Variants in AKAP9 observed in about 807,000 individuals in gnomAD.
AKAP9 encodes the protein A-kinase anchoring protein 9, also known as A-kinase anchor protein 9.
AKAP9 carries 311 observed loss-of-function variants against 488.5 expected under a neutral mutation model. The observed-to-expected ratio is 0.64, with a 90% confidence interval of 0.58 to 0.70. The LOEUF is 0.70. Ranked by LOEUF, AKAP9 falls within the 30% of genes least tolerant of loss-of-function variation. The probability of loss-of-function intolerance (pLI) is 0.00; values close to 1 mark genes in which losing one functional copy is unlikely to be tolerated. For missense variants in AKAP9, 4,215 were observed against 4,374.5 expected (o/e 0.96, Z 1.03); for synonymous variants, 1,462 against 1,483.5 (o/e 0.99, Z 0.33).
intron 16 of AKAP9, among the ~76,000 whole-genome samples, chr7:92,031,909 AAAAG>A (rs1180790115): frequency 2.0e-5 from 3 of 152,220 alleles, no homozygotes; most frequent in African/African-American, 7.2e-5. Flanking sequence ...AGAAGATAGG[AAAAG>A]AAAGAGAAAG....
Position 92,024,429 on chromosome 7 carries a change from A to T in AKAP9, c.4148+1420A>T, listed in dbSNP as rs575233250. Among the ~76,000 whole-genome samples, 567 of 131,796 alleles carry T rather than the reference A, an allele frequency of 4.3e-3. 1 individual carries two copies. Among genetic ancestry groups the T allele is most frequent in the Non-Finnish European group, 7.5e-3 (441 of 58,712 alleles). 86.5% of individuals were successfully genotyped at this position (131,796 alleles called of 152,430 possible). ...TCTGCCTAAAAAATATATATATATT[A>T]TGTGTGTGTGTATATATATATATAT... is the stretch of plus-strand genomic sequence containing the variant. On this transcript the variant is annotated intron_variant, in intron 14 of 49. Transcript: ENST00000356239.
intron 40 of AKAP9, 87 bp downstream of exon 40, chr7:92,095,260 C>A: frequency 7.1e-7 from 1 of 1,411,764 alleles, no homozygotes; most frequent in East Asian, 2.4e-5. Context: ...AAATGTCAAC[C>A]TTAGACTTCT....
At chr7:92,065,554 G>A in intron 25 of AKAP9, 91 bp downstream of exon 25, 3 of 919,744 alleles carry the variant, frequency 3.3e-6, no homozygotes, top group Non-Finnish European at 5.0e-6. Context: ...TGAAAAGACT[G>A]TTGAGTTAGT....
Position 92,079,107 on chromosome 7 carries a change from G to T in AKAP9, c.6974G>T (p.Arg2325Met). Reference protein sequence around the residue: ...KVIEEKNELIRDLETQIECLM... With the variant: ...KVIEEKNELIMDLETQIECLM... ...ATTGAAGAAAAAAATGAACTGATAA[G>T]GGATCTTGAAACCCAAATAGAATGT... The change falls in exon 31 of 50, where the codon AGG (arginine) becomes ATG (methionine). Residue 2325 changes from arginine to methionine, a missense_variant. This residue lies in a region of AKAP9 where 1,476 missense variants were observed against 1,477.4 expected (regional missense o/e 1.00). Transcript: ENST00000356239. 1 of 1,611,482 alleles carries T rather than the reference G, an allele frequency of 6.2e-7. No individual in the cohort carries two copies. The highest frequency in any genetic ancestry group is 1.1e-5 in the South Asian group (1 of 90,390).
At chr7:92,044,978 A>C in intron 20 of AKAP9, 30 bp from the exon 21 acceptor site, 1 of 1,553,666 alleles carries the variant, frequency 6.4e-7, no homozygotes, top group African/African-American at 1.4e-5. Context: ...AATATTAAAC[A>C]TTTTAATCAG....
At chr7:92,034,089 A>G (rs568604649) in intron 16 of AKAP9, among the ~76,000 whole-genome samples, 4 of 152,228 alleles carry the variant, frequency 2.6e-5, no homozygotes, top group Non-Finnish European at 5.9e-5. Flanking sequence ...ATGAAGTGAC[A>G]TTAGAGGAAA....
chr7:91,988,297 CAAAAAAAAAAAA>C lies in AKAP9; in HGVS notation c.352-3844_352-3833del, dbSNP rs5885797. On this transcript the variant is annotated intron_variant, in intron 3 of 49. Transcript: ENST00000356239. ...TTGGTGACAGAGCAAGACCCCCTCTCAAAAAAAAAAAAAAAAAAAAAAAAAAAAGCTAGGTGA... is the reference window on the plus strand; with the variant it reads ...TTGGTGACAGAGCAAGACCCCCTCTCAAAAAAAAAAAAAAAAGCTAGGTGA... Among the ~76,000 whole-genome samples the C allele has an allele frequency of 5.2e-3, 277 of 53,680 alleles. 2 individuals carry two copies. Among genetic ancestry groups the C allele is most frequent in the African/African-American group, 0.017 (244 of 14,194 alleles). The allele number at this position is 53,680 out of a possible 152,430, so 35.2% of individuals were successfully genotyped here. A position where few individuals can be genotyped will look rare whatever the true frequency, so the allele number is the denominator to read the frequency against.
intron 21 of AKAP9, among the ~76,000 whole-genome samples, chr7:92,049,492 T>A (rs892816266): frequency 2.6e-5 from 4 of 152,008 alleles, no homozygotes; most frequent in Non-Finnish European, 4.4e-5. Flanking sequence ...GCGCCTGTAG[T>A]CCCAGCTACT....
intron 37 of AKAP9, among the ~76,000 whole-genome samples, chr7:92,088,521 C>G (rs1180459586): frequency 6.6e-6 from 1 of 152,116 alleles, no homozygotes; most frequent in African/African-American, 2.4e-5. Flanking sequence ...TAAAAAGAAA[C>G]AAACTATTTA....
At position 91,945,721 on chromosome 7, in the gene AKAP9, C is replaced by T. The variant is rs962978082; in HGVS notation, c.48+4574C>T. Among the ~76,000 whole-genome samples the T allele has an allele frequency of 5.9e-5, 9 of 152,218 alleles. No homozygotes were observed. The East Asian group carries it at 1.5e-3, about 26-fold the overall frequency. ...AATATTTTCAGAGCTGGGCTAGCTC[C>T]CTCTGCAGTGTTTTGACGAGGATGG... On this transcript the variant is annotated intron_variant, in intron 1 of 49. Transcript: ENST00000356239.
At chr7:92,094,425 T>C (rs903205741) in intron 39 of AKAP9, among the ~76,000 whole-genome samples, 2 of 151,402 alleles carry the variant, frequency 1.3e-5, no homozygotes, top group Admixed American at 1.3e-4. Flanking sequence ...CCCAGCTACA[T>C]GGGAGGGTGA....
Position 92,097,088 on chromosome 7 carries a change from C to T in AKAP9, c.10129C>T (p.Arg3377Ter). ...ATATAAACTGGATTCTTTGCAAACA[C>T]GACAGCAAATGGAAAAAGATAGGCA... ...EKYKLDSLQTRQQMEKDRQVH... is the reference protein window; with the variant it reads ...EKYKLDSLQT Residue 3377 changes from arginine (R) to a stop codon, truncating the protein, a stop_gained, in exon 41 of 50, where the codon CGA (arginine) becomes TGA (stop). Transcript: ENST00000356239. LOFTEE classifies it high-confidence loss of function. 7 of 1,614,146 alleles carry T rather than the reference C, an allele frequency of 4.3e-6. No homozygotes were observed. Among genetic ancestry groups the T allele is most frequent in the South Asian group, 1.1e-5 (1 of 91,086 alleles).
chr7:92,040,891 T>C lies in AKAP9; in HGVS notation c.4910T>C (p.Leu1637Ser). 1 of 1,610,730 alleles carries C rather than the reference T, an allele frequency of 6.2e-7. No homozygotes were observed. Among genetic ancestry groups the C allele is most frequent in the Non-Finnish European group, 8.5e-7 (1 of 1,178,152 alleles). The change falls in exon 18 of 50, where the codon TTA becomes TCA. Residue 1637 changes from leucine to serine, a missense_variant. Leu to Ser is a moderately radical substitution (Grantham distance 145). Around this residue, in one of 5 missense-constraint regions of AKAP9, gnomAD observed 2,361 missense variants for 2,430.0 expected, o/e 0.97. Transcript: ENST00000356239. ...GAGATTAAGAGACTTAATAGACAAT[T>C]AGCCCAGGTAAGGGTCTTGTAGTCC... ...QEEIKRLNRQ[L>S]AQRSSIDNEN...
intron 20 of AKAP9, chr7:92,043,273 C>G: frequency 1.0e-6 from 1 of 968,410 alleles, no homozygotes; most frequent in Non-Finnish European, 1.2e-6. Context: ...TCCTAACCTC[C>G]TTCCTCAGCT....
chr7:92,061,584 C>CTAATA (rs1491583966), intron 23 of AKAP9, among the ~76,000 whole-genome samples, 162 bp downstream of exon 23: 1 of 102,472 alleles, frequency 9.8e-6, no homozygotes. Flanking sequence ...ATTTTTAAAA[C>CTAATA]TATATATATA....
intron 8 of AKAP9, among the ~76,000 whole-genome samples, chr7:92,007,962 T>G (rs987746997): frequency 1.3e-5 from 2 of 152,228 alleles, no homozygotes; most frequent in Non-Finnish European, 2.9e-5. Context: ...TCAGAGCATG[T>G]AGACTTAAGA....
At chr7:91,941,544 G>A (rs935996988) in intron 1 of AKAP9, among the ~76,000 whole-genome samples, 1 of 152,052 alleles carries the variant, frequency 6.6e-6, no homozygotes, top group Non-Finnish European at 1.5e-5. Context: ...TTCTTTATTG[G>A]GTTGGGGATT....
At chr7:92,059,805 T>C (rs1014303463) in intron 22 of AKAP9, among the ~76,000 whole-genome samples, 1 of 151,848 alleles carries the variant, frequency 6.6e-6, no homozygotes, top group African/African-American at 2.4e-5. Flanking sequence ...TTTATTGTTA[T>C]GTTTCTTTGT....
chr7:92,038,483 A>G lies in AKAP9; in HGVS notation c.4403A>G (p.Lys1468Arg). ...QTELSRISGG[K>R]ENTASSKQAH... is the part of the protein sequence containing the mutation. ...GAACTGTCTAGAATATCTGGGGGAA[A>G]AGAAAATACTGCATCATCAAAGCAA... Residue 1468 changes from lysine to arginine, a missense_variant, in exon 17 of 50, where the codon AAA becomes AGA. Lys to Arg is a conservative substitution (Grantham distance 26). Coordinates refer to ENST00000356239, the MANE Select transcript of AKAP9 (RefSeq NM_005751.5). The G allele has an allele frequency of 6.2e-7, 1 of 1,614,004 alleles. No individual in the cohort carries two copies. Among genetic ancestry groups the G allele is most frequent in the Non-Finnish European group, 8.5e-7 (1 of 1,179,936 alleles).
Sources: gnomAD v4.1 joint callset for allele counts (sites outside exome capture counted in the v4.1 genomes callset) on GRCh38, gnomAD v4.1.1 for gene constraint, gnomAD v4.1.1 regional missense constraint, MANE v1.5 for transcripts, NCBI Gene and HGNC (gene_info 2026-07-23, HGNC 2026-07-21) for gene names.